The following RYR1 variants were observed in gnomAD, a reference collection of about 807,000 sequenced individuals.
The protein encoded by RYR1 is central core disease of muscle.
RYR1 carries 342 observed loss-of-function variants against 583.5 expected under a neutral mutation model. That is an observed-to-expected ratio of 0.59 (90% CI 0.54 to 0.64). RYR1 has a LOEUF of 0.64. Ranked by LOEUF, RYR1 falls within the 30% of genes least tolerant of loss-of-function variation. RYR1 has a pLI of 0.00. For synonymous variants in RYR1, 2,791 were observed against 2,822.5 expected (o/e 0.99, Z 0.35); for missense variants, 6,032 against 6,917.2 (o/e 0.87, Z 4.54).
At chr19:38,436,774 T>C (rs1972446510) in intron 1 of RYR1, among the ~76,000 whole-genome samples, 1 of 152,128 alleles carries the variant, frequency 6.6e-6, no homozygotes, top group Non-Finnish European at 1.5e-5. Context: ...GGGCACGCTG[T>C]GATTTTCTAT....
intron 1 of RYR1, among the ~76,000 whole-genome samples, 156 bp from the exon 2 acceptor site, chr19:38,440,589 G>A (rs551269040): frequency 1.3e-5 from 2 of 152,296 alleles, no homozygotes; most frequent in South Asian, 2.1e-4. Context: ...TGTATCTCAA[G>A]GAGTTGTCAG....
At position 38,477,826 on chromosome 19, in the gene RYR1, C is replaced by G. The variant is rs750478395; in HGVS notation, c.4410C>G (p.Val1470=). 6 of 1,482,480 alleles carry G rather than the reference C, an allele frequency of 4.0e-6. No homozygotes were observed. The highest frequency in any genetic ancestry group is 5.5e-6 in the Non-Finnish European group (6 of 1,098,620). 91.8% of individuals were successfully genotyped at this position (1,482,480 alleles called of 1,614,324 possible). A position where few individuals can be genotyped will look rare whatever the true frequency, so the allele number is the denominator to read the frequency against. The change falls in exon 30 of 106, where the codon GTC becomes GTG. Residue 1470 remains valine (V), a synonymous_variant. Coordinates refer to ENST00000359596, the MANE Select transcript of RYR1 (RefSeq NM_000540.3). ...GCTTCGACCTCAGCAAGGTCCGGGT[C>G]GTGACGGTGACCATGGGGGATGAAC... is the stretch of plus-strand genomic sequence containing the variant. ...DMSFDLSKVR[V]VTVTMGDEQG...
chr19:38,574,835 C>A (rs925129589), intron 96 of RYR1, among the ~76,000 whole-genome samples: 13 of 151,854 alleles, frequency 8.6e-5, no homozygotes, highest in Non-Finnish European at 1.5e-4. Context: ...GTCAGGAGAT[C>A]CAGACCATCC....
intron 29 of RYR1, 53 bp from the exon 30 acceptor site, chr19:38,477,657 C>T: frequency 6.2e-7 from 1 of 1,612,880 alleles, no homozygotes; most frequent in South Asian, 1.1e-5. Context: ...TCCCAGGGAG[C>T]CCGAGTCCCT....
chr19:38,448,111 C>T (rs536424666), intron 9 of RYR1, among the ~76,000 whole-genome samples: 33 of 151,596 alleles, frequency 2.2e-4, no homozygotes, highest in Admixed American at 1.1e-3. Context: ...GAAGAGGGTT[C>T]GGGGCTTGAG....
At position 38,528,415 on chromosome 19, in the gene RYR1, C is replaced by G. The variant is rs1971576237; in HGVS notation, c.10934C>G (p.Pro3645Arg). Residue 3645 changes from proline (P) to arginine (R), a missense_variant, in exon 74 of 106, where the codon CCC becomes CGC. Physicochemically the swap from Pro to Arg is moderately radical, Grantham distance 103. Around this residue, in one of 11 missense-constraint regions of RYR1, gnomAD observed 1,493 missense variants for 1,715.5 expected, o/e 0.87. Coordinates refer to ENST00000359596, the MANE Select transcript of RYR1 (RefSeq NM_000540.3). ...CGTATGACGCCCCTGTACAACCTGC[C>G]CACGTAAGGCCCCCAGGGACAAGGG... is the stretch of plus-strand genomic sequence containing the variant. ...CFRMTPLYNL[P>R]THRACNMFLE... 1 of 1,613,874 alleles carries G rather than the reference C, an allele frequency of 6.2e-7. No individual in the cohort carries two copies. The highest frequency in any genetic ancestry group is 1.7e-5 in the Admixed American group (1 of 60,004).
At chr19:38,579,439 A>T (rs1003319267) in intron 99 of RYR1, among the ~76,000 whole-genome samples, 1 of 151,538 alleles carries the variant, frequency 6.6e-6, no homozygotes, top group African/African-American at 2.4e-5. Flanking sequence ...AAAAAAAAAA[A>T]AAAATTAGCT....
rs1973159765 is a variant in RYR1 at position 38,561,852 on chromosome 19, A to C, written c.12624+398A>C. ...CTGCATGGCGACACACCCCTTGCTC[A>C]CCTTCCCAGTAGCCCCCGGCGTGCC... On this transcript the variant is annotated intron_variant, in intron 90 of 105. Coordinates refer to ENST00000359596, the MANE Select transcript of RYR1 (RefSeq NM_000540.3). The surrounding 1 kb of genome is among the most constrained non-coding windows in gnomAD (Gnocchi z 4.8). Among the ~76,000 whole-genome samples, 1 of 151,844 alleles carries C rather than the reference A, an allele frequency of 6.6e-6. No homozygotes were observed. Among genetic ancestry groups the C allele is most frequent in the Admixed American group, 6.6e-5 (1 of 15,252 alleles).
chr19:38,442,166 T>C (rs984234250), intron 2 of RYR1, among the ~76,000 whole-genome samples, 183 bp from the exon 3 acceptor site: 1 of 147,378 alleles, frequency 6.8e-6, no homozygotes, highest in Non-Finnish European at 1.5e-5. Flanking sequence ...GTTTTCGTGA[T>C]GTTGGTCTAG....
At chr19:38,502,781 AG>A in intron 48 of RYR1, 54 bp downstream of exon 48, 3 of 475,266 alleles carry the variant, frequency 6.3e-6, no homozygotes, top group South Asian at 5.9e-5. Flanking sequence ...GGGCAGGGGC[AG>A]GGGCAGGGGC....
intron 89 of RYR1, among the ~76,000 whole-genome samples, chr19:38,558,845 C>T (rs1972995873): frequency 6.6e-6 from 1 of 151,588 alleles, no homozygotes; most frequent in African/African-American, 2.4e-5. Context: ...AATCCTAGCA[C>T]TTTGGGAGGC....
chr19:38,492,300 G>A (rs1944424339), intron 37 of RYR1, among the ~76,000 whole-genome samples, 190 bp from the exon 38 acceptor site: 1 of 150,576 alleles, frequency 6.6e-6, no homozygotes, highest in Non-Finnish European at 1.5e-5. Context: ...AGGAGGCAGA[G>A]GTTGCAGTGA....
At position 38,565,561 on chromosome 19, in the gene RYR1, C is replaced by CGAGGGCGCTGGAGACGCCGCG. The variant is rs763413580; in HGVS notation, c.13244_13264dup (p.Ala4415_Asp4421dup). On this transcript the variant is annotated inframe_insertion, in exon 91 of 106. Coordinates refer to ENST00000359596, the MANE Select transcript of RYR1 (RefSeq NM_000540.3). This position sits in a 1 kb window ranked among gnomAD's most constrained non-coding sequence, Gnocchi z 4.7. The stretch of plus-strand genomic sequence containing the variant: ...GAGACGCAGACGGCGAGGGTGCCAG[C>CGAGGGCGCTGGAGACGCCGCG]GAGGGCGCTGGAGACGCCGCGGAGG... 139 of 1,483,368 alleles carry CGAGGGCGCTGGAGACGCCGCG rather than the reference C, an allele frequency of 9.4e-5. No individual in the cohort carries two copies. Among genetic ancestry groups the CGAGGGCGCTGGAGACGCCGCG allele is most frequent in the Non-Finnish European group, 1.1e-4 (122 of 1,123,650 alleles). The allele number at this position is 1,483,368 out of a possible 1,614,324, so 91.9% of individuals were successfully genotyped here.
At chr19:38,471,237 A>G (rs1968403470) in intron 27 of RYR1, among the ~76,000 whole-genome samples, 1 of 152,256 alleles carries the variant, frequency 6.6e-6, no homozygotes, top group Admixed American at 6.5e-5. Flanking sequence ...ATTGCCAAAG[A>G]ACAAAGGCTG....
At chr19:38,498,102 C>T (rs941313137) in intron 42 of RYR1, among the ~76,000 whole-genome samples, 1 of 152,146 alleles carries the variant, frequency 6.6e-6, no homozygotes, top group Admixed American at 6.5e-5. Flanking sequence ...AGTGCAAAGG[C>T]CCTGAGGCAG....
chr19:38,585,611 C>T (rs771528898), intron 102 of RYR1, among the ~76,000 whole-genome samples: 13 of 151,396 alleles, frequency 8.6e-5, no homozygotes, highest in Non-Finnish European at 1.5e-4. Context: ...TTAGCTGGGA[C>T]TACAGGCACA....
At chr19:38,566,680 T>G (rs1271753240) in intron 91 of RYR1, among the ~76,000 whole-genome samples, 1 of 152,046 alleles carries the variant, frequency 6.6e-6, no homozygotes, top group Non-Finnish European at 1.5e-5. Flanking sequence ...AGAGCTGCAC[T>G]TGGAGTCAGC....
intron 81 of RYR1, 78 bp from the exon 82 acceptor site, chr19:38,535,918 TG>T: frequency 1.5e-6 from 2 of 1,296,152 alleles, no homozygotes; most frequent in Non-Finnish European, 2.2e-6. Context: ...GCTACCATGG[TG>T]GGGAGCTGCC....
At chr19:38,576,367 T>A (rs1973956521) in intron 97 of RYR1, among the ~76,000 whole-genome samples, 2 of 152,142 alleles carry the variant, frequency 1.3e-5, no homozygotes, top group Non-Finnish European at 2.9e-5. Flanking sequence ...GGAGGATCGC[T>A]TAACCTGGGA....
Sources: gnomAD v4.1 joint callset for allele counts (sites outside exome capture counted in the v4.1 genomes callset) on GRCh38, gnomAD v4.1.1 for gene constraint, gnomAD v4.1.1 regional missense constraint, Gnocchi (gnomAD v3.1) non-coding constraint, MANE v1.5 for transcripts, NCBI Gene and HGNC (gene_info 2026-07-23, HGNC 2026-07-21) for gene names.